SLC2A13: variants seen among roughly 807,000 people sequenced by gnomAD.
SLC2A13 encodes the protein solute carrier family 2 member 13, also known as proton myo-inositol cotransporter.
A neutral mutation model predicts 64.4 loss-of-function variants in SLC2A13; 32 were observed. That is an observed-to-expected ratio of 0.50 (90% CI 0.37 to 0.67). SLC2A13 has a LOEUF of 0.67. Ranked by LOEUF, SLC2A13 falls within the 30% of genes least tolerant of loss-of-function variation. SLC2A13 has a pLI of 0.00. For missense variants in SLC2A13, 743 were observed against 829.2 expected (o/e 0.90, Z 1.28); for synonymous variants, 338 against 327.1 (o/e 1.03, Z -0.36).
intron 1 of SLC2A13, among the ~76,000 whole-genome samples, chr12:40,100,969 CAAA>C (rs10633826): frequency 2.4e-5 from 2 of 84,690 alleles, no homozygotes; most frequent in African/African-American, 4.9e-5. Context: ...CCATCTCAGA[CAAA>C]AAAAAAAAAA....
At chr12:39,897,635 C>CGT (rs537474883) in intron 4 of SLC2A13, among the ~76,000 whole-genome samples, 113 of 152,202 alleles carry the variant, frequency 7.4e-4, no homozygotes, top group African/African-American at 2.6e-3. Flanking sequence ...ATATGGCTAG[C>CGT]ATACTGAGAA....
At chr12:39,867,618 A>T (rs542752342) in intron 5 of SLC2A13, among the ~76,000 whole-genome samples, 19 of 152,360 alleles carry the variant, frequency 1.2e-4, no homozygotes, top group African/African-American at 4.1e-4. Context: ...TATGAGAAAT[A>T]AACTATTCTG....
intron 7 of SLC2A13, among the ~76,000 whole-genome samples, chr12:39,812,386 C>CTT (rs1184478595): frequency 1.4e-5 from 1 of 70,274 alleles, no homozygotes. Context: ...TCTTTTCTTT[C>CTT]TTTCTCTCTC....
chr12:39,889,930 T>C (rs1431921387), intron 4 of SLC2A13, among the ~76,000 whole-genome samples: 4 of 152,178 alleles, frequency 2.6e-5, no homozygotes, highest in Non-Finnish European at 5.9e-5. Flanking sequence ...ATATAATTCT[T>C]TGTATCTTCA....
intron 2 of SLC2A13, among the ~76,000 whole-genome samples, chr12:40,033,402 A>G (rs1382329528): frequency 6.6e-6 from 1 of 152,240 alleles, no homozygotes; most frequent in African/African-American, 2.4e-5. Flanking sequence ...ACAAAGCAAA[A>G]GCAAAAGCAA....
At chr12:39,924,755 A>G (rs11174299) in intron 4 of SLC2A13, among the ~76,000 whole-genome samples, 30,946 of 152,048 alleles carry the variant, frequency 0.2, 3,905 homozygotes, top group Non-Finnish European at 0.27. Context: ...AATACTAGAG[A>G]AAAAAGTTTG....
At chr12:40,030,839 G>T (rs1376206380) in intron 2 of SLC2A13, among the ~76,000 whole-genome samples, 1 of 152,098 alleles carries the variant, frequency 6.6e-6, no homozygotes, top group Non-Finnish European at 1.5e-5. Context: ...AGACAGAATA[G>T]GCCTTCCCAC....
chr12:39,940,524 C>T (rs1946001353), intron 4 of SLC2A13, among the ~76,000 whole-genome samples: 1 of 151,892 alleles, frequency 6.6e-6, no homozygotes, highest in Non-Finnish European at 1.5e-5. Flanking sequence ...GTATGAATGA[C>T]TCATTCAACC....
At chr12:39,770,478 A>G (rs951805000) in intron 7 of SLC2A13, among the ~76,000 whole-genome samples, 2 of 152,196 alleles carry the variant, frequency 1.3e-5, no homozygotes, top group Admixed American at 1.3e-4. Flanking sequence ...ATCAGACATT[A>G]GCAATAACAG....
chr12:39,990,975 T>A (rs1325903544), intron 3 of SLC2A13, among the ~76,000 whole-genome samples: 3 of 152,236 alleles, frequency 2.0e-5, no homozygotes, highest in Non-Finnish European at 4.4e-5. Flanking sequence ...TGCCAAACAC[T>A]GATTTTCCTC....
At chr12:39,929,309 T>C (rs1945780886) in intron 4 of SLC2A13, among the ~76,000 whole-genome samples, 1 of 151,888 alleles carries the variant, frequency 6.6e-6, no homozygotes, top group South Asian at 2.1e-4. Flanking sequence ...TCCCAGCACT[T>C]TGGGAGGCTG....
Position 39,864,861 on chromosome 12 carries a change from A to AT in SLC2A13, c.1219dup (p.Ile407AsnfsTer19). ...TGATAGCACAAATCCCAAGGCAAGA[A>AT]TAATGAGTGCTACGGTGGTACCTTA... On this transcript the variant is annotated frameshift_variant, in exon 6 of 10. Transcript: ENST00000280871. LOFTEE classifies it high-confidence loss of function. 6.2e-7 allele frequency: 1 copy of AT among 1,613,864 alleles called. No homozygotes were observed. The highest frequency in any genetic ancestry group is 8.5e-7 in the Non-Finnish European group (1 of 1,179,856).
chr12:39,878,053 C>G (rs1291704178), intron 4 of SLC2A13, among the ~76,000 whole-genome samples: 1 of 152,192 alleles, frequency 6.6e-6, no homozygotes, highest in African/African-American at 2.4e-5. Flanking sequence ...TTGCCTTCTG[C>G]CATAATTGCA....
intron 7 of SLC2A13, among the ~76,000 whole-genome samples, chr12:39,771,394 G>T (rs891434089): frequency 6.6e-6 from 1 of 152,196 alleles, no homozygotes; most frequent in African/African-American, 2.4e-5. Context: ...AAGTCGCCAT[G>T]CTGTAGGATG....
Position 39,764,405 on chromosome 12 carries a change from TA to T in SLC2A13, c.1720+54del, listed in dbSNP as rs1940273792. 2.8e-6 allele frequency: 4 copies of T among 1,416,452 alleles called. No homozygotes were observed. The Admixed American group carries it at 9.7e-5, about 34-fold the overall frequency. The allele number at this position is 1,416,452 out of a possible 1,614,324, so 87.7% of individuals were successfully genotyped here. Reference sequence around the variant, plus strand: ...ATCACAAATGATATTATAGTGTATCTAAAAATAGTGATAAAAATAAAAACAA... The same window carrying T: ...ATCACAAATGATATTATAGTGTATCTAAAATAGTGATAAAAATAAAAACAA... On this transcript the variant is annotated intron_variant, in intron 9 of 9. Coordinates refer to ENST00000280871, the MANE Select transcript of SLC2A13 (RefSeq NM_052885.4).
chr12:39,906,063 C>T lies in SLC2A13; in HGVS notation c.1035-34102G>A, dbSNP rs528279075. 5.3e-5 allele frequency among the ~76,000 whole-genome samples: 8 copies of T among 152,210 alleles called. No homozygotes were observed. The South Asian group carries it at 6.2e-4, about 12-fold the overall frequency. On this transcript the variant is annotated intron_variant, in intron 4 of 9. Transcript: ENST00000280871. ...TGCTAAAAACATGACAACTTTATCA[C>T]GATAGACAAACTTGTTTGTAATAAA...
chr12:39,962,670 A>G (rs1946435526), intron 3 of SLC2A13, among the ~76,000 whole-genome samples: 1 of 152,170 alleles, frequency 6.6e-6, no homozygotes, highest in Non-Finnish European at 1.5e-5. Context: ...AAGTTTTCTC[A>G]CCTACCCGGT....
At chr12:39,891,850 T>G (rs1342469206) in intron 4 of SLC2A13, among the ~76,000 whole-genome samples, 1 of 152,208 alleles carries the variant, frequency 6.6e-6, no homozygotes, top group African/African-American at 2.4e-5. Context: ...CTATCTTTAC[T>G]GTGAAATAAC....
intron 4 of SLC2A13, among the ~76,000 whole-genome samples, chr12:39,948,039 T>C (rs1946168764): frequency 6.6e-6 from 1 of 152,184 alleles, no homozygotes; most frequent in Non-Finnish European, 1.5e-5. Context: ...TGCAGAAATA[T>C]TTTATTGGTC....
Sources: allele counts gnomAD v4.1 joint callset (sites outside exome capture counted in the v4.1 genomes callset), GRCh38; gene constraint gnomAD v4.1.1; transcripts MANE v1.5; gene names NCBI Gene and HGNC (gene_info 2026-07-23, HGNC 2026-07-21).